The following KPNA7 variants were observed in gnomAD, a reference collection of about 807,000 sequenced individuals.
KPNA7 encodes the protein importin subunit alpha-8.
Under a neutral mutation model 53.7 loss-of-function variants are expected in KPNA7, and 54 were observed. The observed-to-expected ratio is 1.01, with a 90% CI of 0.81 to 1.26. The LOEUF is 1.26. KPNA7 is among the 50% of genes most tolerant of loss of function. KPNA7 has a pLI of 0.00. For missense variants in KPNA7, 640 were observed against 644.5 expected, an observed-to-expected ratio of 0.99 and a Z score of 0.07; for synonymous variants, 276 against 259.3, an observed-to-expected ratio of 1.06 and a Z score of -0.62.
chr7:99,152,392 AAG>A, the KPNA7 span, among the ~76,000 whole-genome samples: 102 of 152,076 alleles, frequency 6.7e-4, 1 homozygote, highest in African/African-American at 2.3e-3. Context: ...AGGAAAGAAA[AAG>A]AAAAAAAAAA....
At chr7:99,214,505 G>GTA (rs1452245228) in intron 1 of KPNA7, among the ~76,000 whole-genome samples, 2 of 149,184 alleles carry the variant, frequency 1.3e-5, no homozygotes, top group Admixed American at 1.4e-4. Context: ...GTGTGCACCT[G>GTA]TAGTCCCAGC....
At chr7:99,197,753 G>T (rs1297755689) in intron 3 of KPNA7, among the ~76,000 whole-genome samples, 1 of 152,160 alleles carries the variant, frequency 6.6e-6, no homozygotes, top group Non-Finnish European at 1.5e-5. Flanking sequence ...TGAAGCTGAA[G>T]ATAGGTTAAT....
downstream of KPNA7, among the ~76,000 whole-genome samples, chr7:99,173,078 A>G (rs957343935): frequency 1.1e-3 from 172 of 151,456 alleles, no homozygotes; most frequent in Non-Finnish European, 2.1e-3. Context: ...AAAAAAAAAA[A>G]AAAAAAGAAA....
chr7:99,177,811 T>A, intron 10 of KPNA7, 109 bp downstream of exon 10: 1 of 1,137,850 alleles, frequency 8.8e-7, no homozygotes, highest in Admixed American at 2.5e-5. Flanking sequence ...GAAGACCACC[T>A]GCCCAGTCAC....
the KPNA7 span, among the ~76,000 whole-genome samples, chr7:99,164,381 G>T: frequency 7.2e-5 from 11 of 151,864 alleles, no homozygotes; most frequent in African/African-American, 2.2e-4. Context: ...AGCAAACTAT[G>T]GCAAGGACAA....
the KPNA7 span, among the ~76,000 whole-genome samples, chr7:99,160,032 T>TG: frequency 4.2e-5 from 6 of 143,234 alleles, no homozygotes; most frequent in Non-Finnish European, 7.5e-5. Context: ...TTTTTTTTTT[T>TG]TTTTTTTTTT....
chr7:99,201,889 G>T (rs1162657925), intron 3 of KPNA7, among the ~76,000 whole-genome samples: 1 of 151,842 alleles, frequency 6.6e-6, no homozygotes, highest in Non-Finnish European at 1.5e-5. Flanking sequence ...TGTATTCTTA[G>T]TAGAGATGGG....
At chr7:99,156,817 G>T in the KPNA7 span, among the ~76,000 whole-genome samples, 1 of 152,194 alleles carries the variant, frequency 6.6e-6, no homozygotes, top group African/African-American at 2.4e-5. Context: ...GAGCCAACAT[G>T]CCTGGCCTCA....
At chr7:99,192,379 C>A (rs1345134130) in intron 6 of KPNA7, among the ~76,000 whole-genome samples, 1 of 152,128 alleles carries the variant, frequency 6.6e-6, no homozygotes, top group African/African-American at 2.4e-5. Flanking sequence ...CTGAGTCAAT[C>A]TTTACCTAAA....
At chr7:99,180,499 G>GTC (rs1428522371) in intron 9 of KPNA7, among the ~76,000 whole-genome samples, 67 of 108,350 alleles carry the variant, frequency 6.2e-4, no homozygotes, top group African/African-American at 1.5e-3. Context: ...TCCTATCTCT[G>GTC]TCTGTCTCTC....
the KPNA7 span, among the ~76,000 whole-genome samples, chr7:99,160,381 G>A: frequency 1.3e-5 from 2 of 151,704 alleles, no homozygotes; most frequent in South Asian, 4.1e-4. Flanking sequence ...GGGTTTAATT[G>A]CAGCTTCCTA....
chr7:99,183,592 T>C (rs1006545870), intron 8 of KPNA7, among the ~76,000 whole-genome samples: 1 of 152,078 alleles, frequency 6.6e-6, no homozygotes, highest in African/African-American at 2.4e-5. Context: ...ACCTGGTCTT[T>C]CTCTCTTGCC....
upstream of KPNA7, among the ~76,000 whole-genome samples, chr7:99,209,699 A>AG (rs1448888617): frequency 2.3e-5 from 3 of 133,280 alleles, no homozygotes; most frequent in East Asian, 6.4e-4. Flanking sequence ...AAAAAAAAAA[A>AG]AAAAAAAAAA....
chr7:99,212,104 G>A (rs977119683), upstream of KPNA7, among the ~76,000 whole-genome samples: 5 of 152,020 alleles, frequency 3.3e-5, no homozygotes, highest in African/African-American at 4.8e-5. Context: ...CTTCAAGCTC[G>A]AGGTAGCTTT....
chr7:99,210,290 A>G (rs1791031556), upstream of KPNA7, among the ~76,000 whole-genome samples: 1 of 152,258 alleles, frequency 6.6e-6, no homozygotes, highest in African/African-American at 2.4e-5. Flanking sequence ...CTGCTTAAAC[A>G]TCTCTGAAAG....
At chr7:99,218,610 A>G (rs750541255) in intron 1 of KPNA7, among the ~76,000 whole-genome samples, 7 of 152,204 alleles carry the variant, frequency 4.6e-5, no homozygotes, top group Admixed American at 4.6e-4. Flanking sequence ...TGCACCTACC[A>G]CTTCCTCCTT....
intron 6 of KPNA7, 117 bp from the exon 7 acceptor site, chr7:99,188,680 AATTTT>A (rs1182273312): frequency 1.8e-6 from 2 of 1,102,962 alleles, no homozygotes; most frequent in African/African-American, 1.6e-5. Context: ...AGCTTTTTAA[AATTTT>A]ATTTATTATT....
intron 3 of KPNA7, among the ~76,000 whole-genome samples, chr7:99,200,542 T>A (rs1251979452): frequency 1.3e-5 from 2 of 151,770 alleles, no homozygotes; most frequent in African/African-American, 4.8e-5. Context: ...CCACAAAGAG[T>A]GAAACAGGCT....
intron 3 of KPNA7, among the ~76,000 whole-genome samples, chr7:99,198,006 A>G (rs1027452027): frequency 1.3e-5 from 2 of 152,228 alleles, no homozygotes; most frequent in African/African-American, 4.8e-5. Context: ...AATAAATCCC[A>G]AGATCCAGAC....
Sources: allele counts gnomAD v4.1 joint callset (sites outside exome capture counted in the v4.1 genomes callset), GRCh38; gene constraint gnomAD v4.1.1; transcripts MANE v1.5; gene names NCBI Gene and HGNC (gene_info 2026-07-23, HGNC 2026-07-21).